The following IL17RA variants were observed in gnomAD, a reference collection of about 807,000 sequenced individuals.
IL17RA encodes the protein interleukin 17 receptor A.
IL17RA carries 34 observed loss-of-function variants against 50.4 expected under a neutral mutation model. The observed-to-expected ratio is 0.67, with a 90% CI of 0.51 to 0.90. The LOEUF (loss-of-function observed/expected upper bound fraction) is 0.90. IL17RA is among the 40% of genes least tolerant of loss of function. The pLI is 0.00. For synonymous variants in IL17RA, 585 were observed against 510.4 expected, an observed-to-expected ratio of 1.15 and a Z score of -1.97; for missense variants, 1,276 against 1,169.8, an observed-to-expected ratio of 1.09 and a Z score of -1.32.
intron 1 of IL17RA, among the ~76,000 whole-genome samples, chr22:17,089,712 A>C (rs1021549451): frequency 4.6e-5 from 7 of 152,176 alleles, no homozygotes; most frequent in African/African-American, 7.2e-5. Context: ...GTCTCTACAA[A>C]AAATACAAAA....
At chr22:17,095,059 A>T (rs887952929) in intron 1 of IL17RA, among the ~76,000 whole-genome samples, 1 of 152,070 alleles carries the variant, frequency 6.6e-6, no homozygotes, top group Non-Finnish European at 1.5e-5. Context: ...AACTTGACAA[A>T]TCTTATACAA....
At position 17,108,864 on chromosome 22, in the gene IL17RA, C is replaced by T. The variant is rs894469031; in HGVS notation, c.1645C>T (p.Arg549Cys). 2.4e-5 allele frequency: 38 copies of T among 1,609,318 alleles called. No homozygotes were observed. The Admixed American group carries it at 5.4e-4, about 23-fold the overall frequency. Residue 549 changes from arginine (R) to cysteine (C), a missense_variant, in exon 13 of 13, where the codon CGC (arginine) becomes TGC (cysteine). Physicochemically the swap from Arg to Cys is radical, Grantham distance 180. Coordinates refer to ENST00000319363, the MANE Select transcript of IL17RA (RefSeq NM_014339.7). ...GATGTTCCAGCCGGGCCGCATGCAC[C>T]GCGTAGGGGAGCTGTCGGGGGACAA... is the stretch of plus-strand genomic sequence containing the variant. The part of the protein sequence containing the change: ...LEMFQPGRMH[R>C]VGELSGDNYL...
At chr22:17,100,562 C>T in intron 5 of IL17RA, 81 bp downstream of exon 5, 4 of 1,554,576 alleles carry the variant, frequency 2.6e-6, no homozygotes, top group Non-Finnish European at 3.5e-6. Context: ...TGCCAGCCCC[C>T]CTGCTCAGCA....
chr22:17,100,595 C>CCA, intron 5 of IL17RA, 114 bp downstream of exon 5: 2 of 1,342,874 alleles, frequency 1.5e-6, no homozygotes, highest in East Asian at 2.3e-5. Context: ...GCATTGCCAG[C>CCA]ACCTGGGACC....
At chr22:17,096,652 C>A (rs1273654753) in intron 1 of IL17RA, among the ~76,000 whole-genome samples, 1 of 152,032 alleles carries the variant, frequency 6.6e-6, no homozygotes, top group African/African-American at 2.4e-5. Context: ...AGGCGGATCA[C>A]GAGGTCAGGA....
rs1204871136 is a variant in IL17RA at position 17,098,829 on chromosome 22, A to G, written c.365A>G (p.Asn122Ser). 8.7e-6 allele frequency: 14 copies of G among 1,614,060 alleles called. No individual in the cohort carries two copies. The highest frequency in any genetic ancestry group is 1.1e-5 in the Non-Finnish European group (13 of 1,180,040). ...TTATCTGTCCTGCAGCTGAACACCA[A>G]TGAACGTTTGTGCGTCAGGTTTGAG... is the stretch of plus-strand genomic sequence containing the variant. Reference protein sequence around the residue: ...AELSVLQLNTNERLCVRFEFL... With the variant: ...AELSVLQLNTSERLCVRFEFL... The change falls in exon 4 of 13, where the codon AAT (asparagine) becomes AGT (serine). Residue 122 changes from asparagine to serine, a missense_variant. By Grantham distance (46) the Asn-to-Ser change is conservative (BLOSUM62 1). Transcript: ENST00000319363.
intron 1 of IL17RA, among the ~76,000 whole-genome samples, chr22:17,085,692 C>T (rs2061324990): frequency 6.6e-6 from 1 of 152,170 alleles, no homozygotes; most frequent in African/African-American, 2.4e-5. Flanking sequence ...ACGGTCGGCC[C>T]TCGGGAGGCC....
chr22:17,097,873 G>A lies in IL17RA; in HGVS notation c.240G>A (p.Leu80=), dbSNP rs1340284035. Residue 80 remains leucine, a synonymous_variant, in exon 3 of 13, where the codon CTG becomes CTA. Transcript: ENST00000319363. ...CCCCAAAGGACCTGCAGATCCAGCT[G>A]CACTTTGCCCACACCCAACAAGGAG... ...PSSPKDLQIQ[L]HFAHTQQGDL... is the part of the protein sequence containing the mutation. The A allele has an allele frequency of 1.2e-6, 2 of 1,614,086 alleles. No individual in the cohort carries two copies. Among genetic ancestry groups the A allele is most frequent in the Admixed American group, 3.3e-5 (2 of 60,014 alleles).
At chr22:17,094,776 G>T (rs141846928) in intron 1 of IL17RA, among the ~76,000 whole-genome samples, 2,087 of 139,184 alleles carry the variant, frequency 0.015, 28 homozygotes, top group Non-Finnish European at 0.025. Flanking sequence ...ACTATAAAAA[G>T]TTATTTGAAA....
At chr22:17,090,116 G>C (rs1301939708) in intron 1 of IL17RA, among the ~76,000 whole-genome samples, 1 of 152,034 alleles carries the variant, frequency 6.6e-6, no homozygotes, top group Non-Finnish European at 1.5e-5. Flanking sequence ...TCTGCCTCCT[G>C]GGTTCTAGCA....
chr22:17,103,546 A>G lies in IL17RA; in HGVS notation c.815A>G (p.Asn272Ser), dbSNP rs1234489030. The G allele has an allele frequency of 6.2e-7, 1 of 1,613,654 alleles. No individual in the cohort carries two copies. The highest frequency in any genetic ancestry group is 1.7e-5 in the Admixed American group (1 of 59,996). ...TCCAACGTCACACTCACTCTACGCA[A>G]CCTTAAAGGGTGCTGTCGCCACCAA... ...QRSNVTLTLR[N>S]LKGCCRHQVQ... The change falls in exon 8 of 13, where the codon AAC (asparagine) becomes AGC (serine). Residue 272 changes from asparagine to serine, a missense_variant. Coordinates refer to ENST00000319363, the MANE Select transcript of IL17RA (RefSeq NM_014339.7).
Position 17,085,408 on chromosome 22 carries a change from G to A in IL17RA, c.138+179G>A, listed in dbSNP as rs899954721. On this transcript the variant is annotated intron_variant, in intron 1 of 12. Transcript: ENST00000319363. ...ATCGCGGCGCCTGGGGAGGACCCTC[G>A]GAGCGGTGGGAGTTGCGGTGTGGAA... 7.4e-6 allele frequency: 6 copies of A among 814,730 alleles called. No individual in the cohort carries two copies. The African/African-American group carries it at 7.4e-5, about 10-fold the overall frequency. 50.5% of individuals were successfully genotyped at this position (814,730 alleles called of 1,614,324 possible). A position where few individuals can be genotyped will look rare whatever the true frequency, so the allele number is the denominator to read the frequency against.
Position 17,115,084 on chromosome 22 carries a change from C to T in IL17RA, c.*5264C>T, listed in dbSNP as rs2061461977. The T allele has an allele frequency of 6.6e-6, 1 of 152,288 alleles. No homozygotes were observed. The highest frequency in any genetic ancestry group is 1.5e-5 in the Non-Finnish European group (1 of 68,062). The allele number at this position is 152,288 out of a possible 1,614,324, so 9.4% of individuals were successfully genotyped here. On this transcript the variant is annotated 3_prime_UTR_variant, in exon 13 of 13. Transcript: ENST00000319363. ...GTGAAGAGATCACTCCGCGTCCCTACTGCACCTGTCACAAAGTGCCTTCTG... is the reference window on the plus strand; with the variant it reads ...GTGAAGAGATCACTCCGCGTCCCTATTGCACCTGTCACAAAGTGCCTTCTG...
chr22:17,090,536 C>T (rs2061344585), intron 1 of IL17RA, among the ~76,000 whole-genome samples: 1 of 152,190 alleles, frequency 6.6e-6, no homozygotes, highest in Admixed American at 6.6e-5. Flanking sequence ...TGCGCCACCC[C>T]TAAACCTGCT....
chr22:17,108,897 C>T lies in IL17RA; in HGVS notation c.1678C>T (p.Arg560Trp). 1.2e-6 allele frequency: 2 copies of T among 1,611,164 alleles called. No homozygotes were observed. The highest frequency in any genetic ancestry group is 1.7e-6 in the Non-Finnish European group (2 of 1,179,148). ...GGAGCTGTCGGGGGACAACTACCTG[C>T]GGAGCCCGGGCGGCAGGCAGCTCCG... ...VGELSGDNYL[R>W]SPGGRQLRAA... The change falls in exon 13 of 13, where the codon CGG becomes TGG. Residue 560 changes from arginine to tryptophan, a missense_variant. Physicochemically the swap from Arg to Trp is moderately radical, Grantham distance 101. Transcript: ENST00000319363.
rs781093921 is a variant in IL17RA, at chr22:17,097,858, C to A, written c.225C>A (p.Asp75Glu). Residue 75 changes from aspartate (D) to glutamate (E), a missense_variant, in exon 3 of 13, where the codon GAC becomes GAA. By Grantham distance (45) the Asp-to-Glu change is conservative. Coordinates refer to ENST00000319363, the MANE Select transcript of IL17RA (RefSeq NM_014339.7). ...PRNLTPSSPKDLQIQLHFAHT... is the reference protein window; with the variant it reads ...PRNLTPSSPKELQIQLHFAHT... The stretch of plus-strand genomic sequence containing the variant: ...ACCTGACCCCCTCCTCCCCAAAGGA[C>A]CTGCAGATCCAGCTGCACTTTGCCC... The A allele has an allele frequency of 6.2e-7, 1 of 1,614,252 alleles. No individual in the cohort carries two copies. Among genetic ancestry groups the A allele is most frequent in the South Asian group, 1.1e-5 (1 of 91,088 alleles).
rs937007274 is a variant in IL17RA, at chr22:17,112,359, A to G, written c.*2539A>G. 3.9e-5 allele frequency: 6 copies of G among 152,242 alleles called. No individual in the cohort carries two copies. Among genetic ancestry groups the G allele is most frequent in the African/African-American group, 9.7e-5 (4 of 41,442 alleles). The allele number at this position is 152,242 out of a possible 1,614,324, so 9.4% of individuals were successfully genotyped here. A position where few individuals can be genotyped will look rare whatever the true frequency, so the allele number is the denominator to read the frequency against. Reference sequence around the variant, plus strand: ...CTGCACAATTTGATGCCGGTTTAGTATAGTCACAGTTCAGCAGCCATCAGC... The same window carrying G: ...CTGCACAATTTGATGCCGGTTTAGTGTAGTCACAGTTCAGCAGCCATCAGC... On this transcript the variant is annotated 3_prime_UTR_variant, in exon 13 of 13. Coordinates refer to ENST00000319363, the MANE Select transcript of IL17RA (RefSeq NM_014339.7).
At chr22:17,091,728 T>G (rs1404863607) in intron 1 of IL17RA, among the ~76,000 whole-genome samples, 1 of 152,168 alleles carries the variant, frequency 6.6e-6, no homozygotes, top group Non-Finnish European at 1.5e-5. Context: ...TATATGACAC[T>G]TATTTTTTTC....
At chr22:17,095,988 G>A (rs2061367012) in intron 1 of IL17RA, among the ~76,000 whole-genome samples, 1 of 152,188 alleles carries the variant, frequency 6.6e-6, no homozygotes, top group African/African-American at 2.4e-5. Context: ...CCTCTCAAGA[G>A]AGAGGAGGGT....
Sources: gnomAD v4.1 joint callset for allele counts (sites outside exome capture counted in the v4.1 genomes callset) on GRCh38, gnomAD v4.1.1 for gene constraint, MANE v1.5 for transcripts, NCBI Gene and HGNC (gene_info 2026-07-23, HGNC 2026-07-21) for gene names.